Variants in SCHIP1 observed in about 807,000 individuals in gnomAD.
The protein encoded by SCHIP1 is schwannomin interacting protein 1.
A neutral mutation model predicts 29.7 loss-of-function variants in SCHIP1; 8 were observed. The ratio of observed to expected loss-of-function variants is 0.27; its 90% CI spans 0.16 to 0.49. SCHIP1 has a LOEUF of 0.49. Among genes scored for constraint, SCHIP1 ranks in the 20% least tolerant of loss-of-function variants. The probability of loss-of-function intolerance (pLI) is 0.99; values close to 1 mark genes in which losing one functional copy is unlikely to be tolerated. For synonymous variants in SCHIP1, 76 were observed against 94.9 expected, an observed-to-expected ratio of 0.80 and a Z score of 1.16; for missense variants, 193 against 294.6, an observed-to-expected ratio of 0.66 and a Z score of 2.52.
At chr3:159,767,420 C>T in the SCHIP1 span, among the ~76,000 whole-genome samples, 1 of 151,982 alleles carries the variant, frequency 6.6e-6, no homozygotes, top group Non-Finnish European at 1.5e-5. Flanking sequence ...TTTAGTGCTG[C>T]CTGGAGTACG....
At chr3:159,635,215 T>G in the SCHIP1 span, among the ~76,000 whole-genome samples, 1 of 152,156 alleles carries the variant, frequency 6.6e-6, no homozygotes, top group African/African-American at 2.4e-5. Flanking sequence ...GTCAAATATT[T>G]CACAACCACA....
chr3:159,688,201 A>G, the SCHIP1 span, among the ~76,000 whole-genome samples: 2 of 152,176 alleles, frequency 1.3e-5, no homozygotes, highest in East Asian at 3.9e-4. Flanking sequence ...GGCTGAACTA[A>G]CTTATACTCC....
the SCHIP1 span, among the ~76,000 whole-genome samples, chr3:159,499,556 TCA>T: frequency 2.0e-5 from 3 of 152,210 alleles, no homozygotes; most frequent in Admixed American, 6.5e-5. Flanking sequence ...ACTCTTAGGA[TCA>T]CACAGTCTCA....
the SCHIP1 span, among the ~76,000 whole-genome samples, chr3:159,500,993 T>C: frequency 2.6e-5 from 4 of 152,188 alleles, no homozygotes; most frequent in Admixed American, 2.6e-4. Context: ...ATCAACACAA[T>C]AGTGATGCTA....
the SCHIP1 span, among the ~76,000 whole-genome samples, chr3:159,524,815 A>C: frequency 6.6e-6 from 1 of 152,240 alleles, no homozygotes; most frequent in Non-Finnish European, 1.5e-5. Context: ...GCCATTCTGC[A>C]CAGAGCTATT....
chr3:159,511,246 T>G, the SCHIP1 span, among the ~76,000 whole-genome samples: 16,357 of 152,268 alleles, frequency 0.11, 930 homozygotes, highest in South Asian at 0.13. Context: ...CGAGGCTCCA[T>G]GGGCGTTGGA....
chr3:159,583,911 A>T, the SCHIP1 span, among the ~76,000 whole-genome samples: 1 of 152,122 alleles, frequency 6.6e-6, no homozygotes. Context: ...TCTCTCGCTG[A>T]GTACTTATTC....
At chr3:159,819,510 C>G in the SCHIP1 span, among the ~76,000 whole-genome samples, 2 of 152,094 alleles carry the variant, frequency 1.3e-5, no homozygotes, top group African/African-American at 4.8e-5. Flanking sequence ...AAAACAAAAA[C>G]AGAAAGAAAA....
At chr3:159,809,421 T>C in the SCHIP1 span, among the ~76,000 whole-genome samples, 1 of 152,192 alleles carries the variant, frequency 6.6e-6, no homozygotes, top group South Asian at 2.1e-4. Context: ...AAGTCTTTGC[T>C]ATTGTGAATA....
intron 1 of SCHIP1, among the ~76,000 whole-genome samples, chr3:159,864,726 C>G (rs1714437424): frequency 6.6e-6 from 1 of 152,088 alleles, no homozygotes; most frequent in Non-Finnish European, 1.5e-5. Context: ...GCACTAGAGC[C>G]TGGGGCATTC....
At chr3:159,440,796 T>C in the SCHIP1 span, among the ~76,000 whole-genome samples, 3 of 152,186 alleles carry the variant, frequency 2.0e-5, no homozygotes, top group African/African-American at 7.2e-5. Flanking sequence ...CATTGCTTAC[T>C]TGGTTGACTC....
the SCHIP1 span, among the ~76,000 whole-genome samples, chr3:159,481,887 A>G: frequency 6.6e-6 from 1 of 152,182 alleles, no homozygotes; most frequent in Non-Finnish European, 1.5e-5. Flanking sequence ...AGAGAATTTC[A>G]GAAAATCGGG....
At chr3:159,419,300 GT>G in the SCHIP1 span, among the ~76,000 whole-genome samples, 1 of 152,186 alleles carries the variant, frequency 6.6e-6, no homozygotes, top group Admixed American at 6.5e-5. Flanking sequence ...GAGGTGCTGT[GT>G]GTGAAGCACC....
the SCHIP1 span, among the ~76,000 whole-genome samples, chr3:159,527,246 G>C: frequency 2.0e-5 from 3 of 152,080 alleles, no homozygotes; most frequent in Non-Finnish European, 4.4e-5. Flanking sequence ...CCTTCAAAAG[G>C]ATCCCTTATA....
At chr3:159,649,761 G>A in the SCHIP1 span, among the ~76,000 whole-genome samples, 7 of 152,210 alleles carry the variant, frequency 4.6e-5, no homozygotes, top group South Asian at 2.1e-4. Context: ...TTCAGGAATC[G>A]TGTCCTCAGT....
chr3:159,878,303 C>A (rs1460941760), intron 2 of SCHIP1, among the ~76,000 whole-genome samples: 1 of 151,718 alleles, frequency 6.6e-6, no homozygotes, highest in Admixed American at 6.6e-5. Context: ...CATGGTGAAA[C>A]CCTGTCTCTA....
At chr3:159,322,803 G>A in the SCHIP1 span, among the ~76,000 whole-genome samples, 1 of 152,170 alleles carries the variant, frequency 6.6e-6, no homozygotes, top group African/African-American at 2.4e-5. Context: ...CTTTCCTGAG[G>A]TGGAAAAAAG....
the SCHIP1 span, among the ~76,000 whole-genome samples, chr3:159,415,288 C>T: frequency 6.6e-6 from 1 of 152,034 alleles, no homozygotes; most frequent in Non-Finnish European, 1.5e-5. Context: ...TAATGCATTG[C>T]TGGATATTTT....
chr3:159,361,658 G>A, the SCHIP1 span, among the ~76,000 whole-genome samples: 1 of 152,200 alleles, frequency 6.6e-6, no homozygotes, highest in Admixed American at 6.5e-5. Context: ...CAGATGCAGG[G>A]AATCAACTGC....
Sources: allele counts gnomAD v4.1 joint callset (sites outside exome capture counted in the v4.1 genomes callset), GRCh38; gene constraint gnomAD v4.1.1; transcripts MANE v1.5; gene names NCBI Gene and HGNC (gene_info 2026-07-23, HGNC 2026-07-21).